AFF3: variants seen among roughly 807,000 people sequenced by gnomAD.
The protein encoded by AFF3 is ALF transcription elongation factor 3, also known as AF4/FMR2 family member 3.
AFF3 carries 32 observed loss-of-function variants against 129.7 expected under a neutral mutation model. The ratio of observed to expected loss-of-function variants is 0.25; its 90% CI spans 0.19 to 0.33. AFF3 has a LOEUF of 0.33. Ranked by LOEUF, AFF3 falls within the 10% of genes least tolerant of loss-of-function variation. AFF3 has a pLI of 1.00. For missense variants in AFF3, 1,373 were observed against 1,592.0 expected (o/e 0.86, Z 2.34); for synonymous variants, 644 against 635.4 (o/e 1.01, Z -0.20).
At chr2:100,036,834 GA>G (rs60910274) in intron 4 of AFF3, among the ~76,000 whole-genome samples, 51 of 118,722 alleles carry the variant, frequency 4.3e-4, no homozygotes, top group South Asian at 1.9e-3. Context: ...ACTCCAAACA[GA>G]AAAAAAAAAA....
chr2:99,728,526 C>G (rs1210544426), intron 10 of AFF3, among the ~76,000 whole-genome samples: 3 of 152,194 alleles, frequency 2.0e-5, no homozygotes, highest in African/African-American at 7.2e-5. Flanking sequence ...ATTGCCCAAA[C>G]TGAACTCAAA....
intron 11 of AFF3, among the ~76,000 whole-genome samples, chr2:99,715,878 T>TA (rs1234663595): frequency 6.6e-6 from 1 of 152,090 alleles, no homozygotes; most frequent in Non-Finnish European, 1.5e-5. Context: ...TTCACCGTGT[T>TA]AGCCAGGATG....
At chr2:99,707,067 T>C (rs1045392248) in intron 11 of AFF3, 4 of 980,686 alleles carry the variant, frequency 4.1e-6, no homozygotes, top group Non-Finnish European at 4.8e-6. Flanking sequence ...ACTTTTGAAA[T>C]ACCGAAGATA....
intron 7 of AFF3, among the ~76,000 whole-genome samples, chr2:99,899,631 T>TA (rs1426192129): frequency 6.6e-6 from 1 of 152,210 alleles, no homozygotes; most frequent in Middle Eastern, 3.2e-3. Context: ...ACAGTTCCGC[T>TA]ACCTGAACGC....
chr2:99,938,258 G>A (rs764623935), intron 7 of AFF3, among the ~76,000 whole-genome samples: 21 of 152,130 alleles, frequency 1.4e-4, no homozygotes, highest in African/African-American at 5.1e-4. Flanking sequence ...ACGGACATGC[G>A]CACAACCAAG....
intron 2 of AFF3, among the ~76,000 whole-genome samples, chr2:100,123,850 C>T (rs142164263): frequency 1.7e-3 from 263 of 152,078 alleles, no homozygotes; most frequent in Non-Finnish European, 3.2e-3. Flanking sequence ...AAGGAACCAC[C>T]AGGCACATAA....
At chr2:99,947,552 AGAGAG>A (rs1559000044) in intron 7 of AFF3, among the ~76,000 whole-genome samples, 1,671 of 142,728 alleles carry the variant, frequency 0.012, 65 homozygotes, top group African/African-American at 0.044. Context: ...AGAGAAAGAA[AGAGAG>A]AGAAAGAGAA....
At chr2:99,968,443 A>G (rs1678004751) in intron 7 of AFF3, among the ~76,000 whole-genome samples, 1 of 152,246 alleles carries the variant, frequency 6.6e-6, no homozygotes, top group Non-Finnish European at 1.5e-5. Context: ...CAATCATGCA[A>G]GATGAAAGGA....
At chr2:99,693,540 A>C (rs1675885342) in intron 11 of AFF3, among the ~76,000 whole-genome samples, 1 of 152,136 alleles carries the variant, frequency 6.6e-6, no homozygotes, top group African/African-American at 2.4e-5. Flanking sequence ...CCAAAGAAAA[A>C]TGAAAGAGTT....
intron 4 of AFF3, among the ~76,000 whole-genome samples, chr2:100,084,965 C>G (rs1427978977): frequency 6.6e-6 from 1 of 151,070 alleles, no homozygotes; most frequent in Non-Finnish European, 1.5e-5. Context: ...ACCTCTTTAT[C>G]CAAATATATT....
At chr2:100,044,355 T>C (rs1685668737) in intron 4 of AFF3, among the ~76,000 whole-genome samples, 1 of 152,180 alleles carries the variant, frequency 6.6e-6, no homozygotes, top group South Asian at 2.1e-4. Context: ...TCCACTAAGA[T>C]ACAAATAAAG....
At chr2:99,767,647 C>T (rs1206619617) in intron 8 of AFF3, among the ~76,000 whole-genome samples, 1 of 152,204 alleles carries the variant, frequency 6.6e-6, no homozygotes, top group East Asian at 1.9e-4. Context: ...AGTAAACTGG[C>T]CATCACCATC....
At chr2:99,847,660 G>A (rs1689835962) in intron 7 of AFF3, among the ~76,000 whole-genome samples, 1 of 151,880 alleles carries the variant, frequency 6.6e-6, no homozygotes, top group Non-Finnish European at 1.5e-5. Context: ...GGGGTATCTG[G>A]GGCTGAACTC....
intron 11 of AFF3, among the ~76,000 whole-genome samples, chr2:99,710,861 T>C (rs1228834183): frequency 4.6e-5 from 7 of 152,172 alleles, no homozygotes; most frequent in Non-Finnish European, 2.9e-5. Context: ...TTTACTAAAA[T>C]ACACTCTGCC....
chr2:99,708,477 T>C (rs559917110), intron 11 of AFF3, among the ~76,000 whole-genome samples: 158 of 152,320 alleles, frequency 1.0e-3, no homozygotes, highest in African/African-American at 3.7e-3. Context: ...CTTGCAAAAT[T>C]GGTCCCCCAG....
intron 8 of AFF3, among the ~76,000 whole-genome samples, chr2:99,794,773 C>T (rs532684113): frequency 7.9e-5 from 12 of 152,258 alleles, no homozygotes; most frequent in South Asian, 2.1e-4. Flanking sequence ...TAGAAAGCAG[C>T]TCTGAATATA....
rs528139035 is a variant in AFF3, at chr2:99,895,687, G to C, written c.874-58163C>G. On this transcript the variant is annotated intron_variant, in intron 7 of 24. Coordinates refer to ENST00000672756, the MANE Select transcript of AFF3 (RefSeq NM_001386135.1). ...GACGAACAGACAGAGCACACAGCAG[G>C]GACTCGGTGGGAGTGATTTAAAGTA... Among the ~76,000 whole-genome samples, 4 of 152,062 alleles carry C rather than the reference G, an allele frequency of 2.6e-5. No homozygotes were observed. The South Asian group carries it at 8.3e-4, about 32-fold the overall frequency.
intron 8 of AFF3, among the ~76,000 whole-genome samples, chr2:99,834,905 C>T (rs766206677): frequency 2.0e-5 from 3 of 152,140 alleles, no homozygotes; most frequent in Non-Finnish European, 4.4e-5. Context: ...CAATGGCATG[C>T]TAATTAATCC....
intron 2 of AFF3, chr2:100,106,906 G>T (rs1287718095): frequency 1.0e-6 from 1 of 985,348 alleles, no homozygotes; most frequent in Non-Finnish European, 1.2e-6. Flanking sequence ...TATAGAGCTG[G>T]TTGAGGGGTT....
Sources: allele counts gnomAD v4.1 joint callset (sites outside exome capture counted in the v4.1 genomes callset), GRCh38; gene constraint gnomAD v4.1.1; transcripts MANE v1.5; gene names NCBI Gene and HGNC (gene_info 2026-07-23, HGNC 2026-07-21).